The following AHNAK variants were observed in gnomAD, a reference collection of about 807,000 sequenced individuals.
AHNAK encodes the protein neuroblast differentiation-associated protein AHNAK.
In AHNAK, 23 loss-of-function variants were observed where a neutral mutation model predicts 37.8. The ratio of observed to expected loss-of-function variants is 0.61; its 90% CI spans 0.44 to 0.86. The LOEUF (loss-of-function observed/expected upper bound fraction) is 0.86, where lower values mean the gene tolerates loss of function less well. AHNAK is among the 40% of genes least tolerant of loss of function. The pLI, the probability that AHNAK is intolerant of heterozygous loss-of-function variation, is 0.00. For synonymous variants in AHNAK, 2,481 were observed against 2,636.3 expected (o/e 0.94, Z 1.80); for missense variants, 7,411 against 7,319.4 (o/e 1.01, Z -0.46).
At chr11:62,475,259 C>G (rs979069540) in intron 5 of AHNAK, among the ~76,000 whole-genome samples, 1 of 152,078 alleles carries the variant, frequency 6.6e-6, no homozygotes, top group Admixed American at 6.6e-5. Flanking sequence ...GCCGAGATCG[C>G]ACCATTGCAC....
Position 62,527,145 on chromosome 11 carries a change from C to T in AHNAK, c.7272G>A (p.Gly2424=), listed in dbSNP as rs143003772. The change falls in exon 5 of 5, where the codon GGG becomes GGA. Residue 2424 remains glycine (G), a synonymous_variant. Coordinates refer to ENST00000378024, the MANE Select transcript of AHNAK (RefSeq NM_001620.3). ...CTGGTCCCTCAATGTCAATGTCTGG[C>T]CCACTGACATCCACATGTGGCCCTT... ...DLKGPHVDVS[G]PDIDIEGPEG... 4.5e-5 allele frequency: 73 copies of T among 1,613,296 alleles called. No individual in the cohort carries two copies. Among genetic ancestry groups the T allele is most frequent in the Middle Eastern group, 1.7e-4 (1 of 6,058 alleles).
At position 62,433,849 on chromosome 11, in the gene AHNAK, A is replaced by G. The variant is rs146165593; in HGVS notation, c.*35T>C. 1.2e-5 allele frequency: 20 copies of G among 1,613,786 alleles called. No individual in the cohort carries two copies. The Middle Eastern group carries it at 4.9e-4, about 40-fold the overall frequency. On this transcript the variant is annotated 3_prime_UTR_variant, in exon 6 of 6. Transcript: ENST00000257247. ...GCTCCAAAGAACGGTCACAAAAACA[A>G]CCTTAAGAGGGGGTGGTTTTCTTCC...
chr11:62,525,131 T>C lies in AHNAK; in HGVS notation c.9286A>G (p.Ile3096Val), dbSNP rs1940426198. 2 of 1,613,366 alleles carry C rather than the reference T, an allele frequency of 1.2e-6. No individual in the cohort carries two copies. The highest frequency in any genetic ancestry group is 1.7e-6 in the Non-Finnish European group (2 of 1,179,830). Residue 3096 changes from isoleucine to valine, a missense_variant, in exon 5 of 5, where the codon ATT becomes GTT. Ile to Val is a conservative substitution (Grantham distance 29, BLOSUM62 3). Transcript: ENST00000378024. The stretch of plus-strand genomic sequence containing the variant: ...TTGGGACCTTTCAGGTTAAGATCAA[T>C]GTCAGGCATGGAGATCTTGGGGGCT... The part of the protein sequence containing the change: ...IKAPKISMPD[I>V]DLNLKGPKVK...
chr11:62,512,520 A>T (rs978837926), downstream of AHNAK, among the ~76,000 whole-genome samples: 1 of 152,132 alleles, frequency 6.6e-6, no homozygotes, highest in African/African-American at 2.4e-5. This position sits in a 1 kb window ranked among gnomAD's most constrained non-coding sequence, Gnocchi z 4.0. Flanking sequence ...CTGTCTCTTT[A>T]TTAGGTCTCT....
rs1565244968 is a variant in AHNAK at position 62,532,199 on chromosome 11, C to T, written c.2218G>A (p.Val740Ile). 6 of 1,614,120 alleles carry T rather than the reference C, an allele frequency of 3.7e-6. No individual in the cohort carries two copies. The highest frequency in any genetic ancestry group is 2.2e-5 in the East Asian group (1 of 44,884). The change falls in exon 5 of 5, where the codon GTT becomes ATT. Residue 740 changes from valine to isoleucine, a missense_variant. Val to Ile is a conservative substitution (Grantham distance 29, BLOSUM62 3). Transcript: ENST00000378024. ...TTCAAGTGCCAGTCTGGGCCATGAA[C>T]ATCCACATCTGGGGCATCAATGTCC... ...KVDIDAPDVD[V>I]HGPDWHLKMP... is the part of the protein sequence containing the mutation.
At chr11:62,456,146 G>A (rs1010524731) in intron 5 of AHNAK, among the ~76,000 whole-genome samples, 4 of 152,170 alleles carry the variant, frequency 2.6e-5, no homozygotes, top group African/African-American at 7.2e-5. Flanking sequence ...TCTGCAAGCC[G>A]AGAGAGGCCT....
chr11:62,453,261 A>G (rs1938580457), intron 5 of AHNAK, among the ~76,000 whole-genome samples: 1 of 151,978 alleles, frequency 6.6e-6, no homozygotes, highest in Non-Finnish European at 1.5e-5. Context: ...AAAGCTAATC[A>G]TTACTGCTCT....
Position 62,533,989 on chromosome 11 carries a change from A to G in AHNAK, c.428T>C (p.Leu143Pro). 3 of 1,606,454 alleles carry G rather than the reference A, an allele frequency of 1.9e-6. No individual in the cohort carries two copies. The highest frequency in any genetic ancestry group is 2.6e-6 in the Non-Finnish European group (3 of 1,175,078). Residue 143 changes from leucine to proline, a missense_variant, in exon 5 of 5, where the codon CTC (leucine) becomes CCC (proline). Physicochemically the swap from Leu to Pro is moderately conservative, Grantham distance 98. Coordinates refer to ENST00000378024, the MANE Select transcript of AHNAK (RefSeq NM_001620.3). ...GATGGTACGGCTCTGGGTCTCCCCG[A>G]GGTCTCCTTCCACTCCATCTTCCGA... is the stretch of plus-strand genomic sequence containing the variant. ...LKSEDGVEGD[L>P]GETQSRTITV...
At position 62,518,665 on chromosome 11, in the gene AHNAK, C is replaced by T; in HGVS notation, c.15752G>A (p.Gly5251Glu). 1 of 1,614,152 alleles carries T rather than the reference C, an allele frequency of 6.2e-7. No homozygotes were observed. The highest frequency in any genetic ancestry group is 8.5e-7 in the Non-Finnish European group (1 of 1,180,032). ...TAGCTGGGCATGGACCTCGGCTCCC[C>T]CACCCTCCATTTTCACACCTGGGAT... ...IGIPGVKMEGGGAEVHAQLPS... is the reference protein window; with the variant it reads ...IGIPGVKMEGEGAEVHAQLPS... The change falls in exon 5 of 5, where the codon GGG (glycine) becomes GAG (glutamate). Residue 5251 changes from glycine (G) to glutamate (E), a missense_variant. Gly to Glu is a moderately conservative substitution (Grantham distance 98). Transcript: ENST00000378024.
In AHNAK at chr11:62,530,015, C is replaced by G. The variant is rs776200873; in HGVS notation, c.4402G>C (p.Asp1468His). The stretch of plus-strand genomic sequence containing the variant: ...ACTTTTGGAACTGTTACATCATAAT[C>G]TCCTTTCATTTTAGGACCTTTCAAA... The part of the protein sequence containing the change: ...LHLKGPKMKG[D>H]YDVTVPKVEG... The change falls in exon 5 of 5, where the codon GAT becomes CAT. Residue 1468 changes from aspartate (D) to histidine (H), a missense_variant. By Grantham distance (81) the Asp-to-His change is moderately conservative. Transcript: ENST00000378024. 1 of 1,614,082 alleles carries G rather than the reference C, an allele frequency of 6.2e-7. No homozygotes were observed. The highest frequency in any genetic ancestry group is 2.2e-5 in the East Asian group (1 of 44,884).
rs753898638 is a variant in AHNAK at position 62,531,786 on chromosome 11, C to A, written c.2631G>T (p.Met877Ile). Residue 877 changes from methionine (M) to isoleucine (I), a missense_variant, in exon 5 of 5, where the codon ATG (methionine) becomes ATT (isoleucine). By Grantham distance (10) the Met-to-Ile change is conservative (BLOSUM62 1). Transcript: ENST00000378024. Reference sequence around the variant, plus strand: ...TGAACTTGGGCATTTTCATCTTGGGCATCTTCAGGTGCCAGTCTGGGCCTT... The same window carrying A: ...TGAACTTGGGCATTTTCATCTTGGGAATCTTCAGGTGCCAGTCTGGGCCTT... ...EVQGPDWHLK[M>I]PKMKMPKFSM... The A allele has an allele frequency of 1.2e-6, 2 of 1,613,578 alleles. No individual in the cohort carries two copies. The highest frequency in any genetic ancestry group is 1.7e-6 in the Non-Finnish European group (2 of 1,179,946).
intron 5 of AHNAK, among the ~76,000 whole-genome samples, chr11:62,485,779 G>A (rs917119615): frequency 7.9e-5 from 12 of 151,368 alleles, no homozygotes; most frequent in Non-Finnish European, 1.8e-4. Flanking sequence ...ATTTTGGGAG[G>A]CCAAGGCAGG....
chr11:62,530,911 A>G lies in AHNAK; in HGVS notation c.3506T>C (p.Val1169Ala). The G allele has an allele frequency of 6.2e-7, 1 of 1,613,728 alleles. No homozygotes were observed. The highest frequency in any genetic ancestry group is 1.6e-4 in the Middle Eastern group (1 of 6,062). Reference sequence around the variant, plus strand: ...CTTCCCTTCTGGACCTTCGAGGCTCACATCTGGGGCTTCGATGTCCACCTT... The same window carrying G: ...CTTCCCTTCTGGACCTTCGAGGCTCGCATCTGGGGCTTCGATGTCCACCTT... ...GPKVDIEAPD[V>A]SLEGPEGKLK... is the part of the protein sequence containing the mutation. The change falls in exon 5 of 5, where the codon GTG (valine) becomes GCG (alanine). Residue 1169 changes from valine (V) to alanine (A), a missense_variant. Val to Ala is a moderately conservative substitution (Grantham distance 64). Transcript: ENST00000378024.
intron 4 of AHNAK, among the ~76,000 whole-genome samples, chr11:62,496,493 G>A (rs1438321502): frequency 6.6e-6 from 1 of 152,134 alleles, no homozygotes; most frequent in Non-Finnish European, 1.5e-5. Flanking sequence ...CCACCACTCT[G>A]ATGTAATCTT....
chr11:62,457,634 C>CA (rs926695661), intron 5 of AHNAK, among the ~76,000 whole-genome samples: 53 of 149,646 alleles, frequency 3.5e-4, no homozygotes, highest in South Asian at 4.2e-4. Flanking sequence ...ATCTCAAAAA[C>CA]AAAAAAAAAG....
intron 4 of AHNAK, among the ~76,000 whole-genome samples, chr11:62,509,382 C>G (rs1455878437): frequency 1.3e-5 from 2 of 150,384 alleles, no homozygotes; most frequent in South Asian, 2.1e-4. Context: ...AGCCCTGTCT[C>G]TACTAAAAAT....
chr11:62,472,588 C>T (rs953088220), intron 5 of AHNAK, among the ~76,000 whole-genome samples: 1 of 152,086 alleles, frequency 6.6e-6, no homozygotes, highest in African/African-American at 2.4e-5. Flanking sequence ...TGAAGTCAAC[C>T]CTCAAACCCT....
Position 62,495,576 on chromosome 11 carries a change from CA to C in AHNAK, c.343-3746del, listed in dbSNP as rs57144253. Among the ~76,000 whole-genome samples, 35 of 136,378 alleles carry C rather than the reference CA, an allele frequency of 2.6e-4. No homozygotes were observed. In the South Asian group the frequency reaches 3.3e-3, roughly 13 times the overall value. The allele number at this position is 136,378 out of a possible 152,430, so 89.5% of individuals were successfully genotyped here. On this transcript the variant is annotated intron_variant, in intron 4 of 5. Transcript: ENST00000257247. ...TGAAACCCAGTCTCTTCTAAAAATA[CA>C]AAAAAAAAAACATTAGCTGGGCATG...
chr11:62,477,953 G>A (rs2134863607), intron 5 of AHNAK, among the ~76,000 whole-genome samples: 1 of 152,192 alleles, frequency 6.6e-6, no homozygotes. Flanking sequence ...ATGTGTATAG[G>A]TACAGAGGCC....
Sources: allele counts gnomAD v4.1 joint callset (sites outside exome capture counted in the v4.1 genomes callset), GRCh38; gene constraint gnomAD v4.1.1; non-coding constraint Gnocchi (gnomAD v3.1); transcripts MANE v1.5; gene names NCBI Gene and HGNC (gene_info 2026-07-23, HGNC 2026-07-21).